Variants in NRG3 observed in about 807,000 individuals in gnomAD.
NRG3 encodes the protein pro-neuregulin-3, membrane-bound isoform.
In NRG3, 31 loss-of-function variants were observed where a neutral mutation model predicts 66.9. The observed-to-expected ratio is 0.46, with a 90% CI of 0.35 to 0.63. NRG3 has a LOEUF of 0.63. NRG3 is among the 20% of genes least tolerant of loss of function. The pLI is 0.00. For synonymous variants in NRG3, 393 were observed against 359.4 expected (o/e 1.09, Z -1.06); for missense variants, 910 against 878.9 (o/e 1.04, Z -0.45).
intron 2 of NRG3, among the ~76,000 whole-genome samples, chr10:82,475,493 A>T: frequency 6.6e-6 from 1 of 152,164 alleles, no homozygotes; most frequent in Non-Finnish European, 1.5e-5. Context: ...GCCCAGGAAC[A>T]GATGGCTTCA....
chr10:82,648,286 G>A (rs10787304), intron 2 of NRG3, among the ~76,000 whole-genome samples: 3 of 150,984 alleles, frequency 2.0e-5, no homozygotes, highest in Non-Finnish European at 4.4e-5. Context: ...GCTTGTTTTT[G>A]TCAGGTTTGT....
intron 3 of NRG3, among the ~76,000 whole-genome samples, chr10:82,770,356 G>A (rs1194401393): frequency 6.6e-6 from 1 of 152,072 alleles, no homozygotes; most frequent in African/African-American, 2.4e-5. Context: ...CACTATTCCT[G>A]GTGAAGACCC....
At chr10:82,035,959 A>G (rs755244477) in intron 1 of NRG3, among the ~76,000 whole-genome samples, 7 of 152,142 alleles carry the variant, frequency 4.6e-5, no homozygotes, top group Admixed American at 1.3e-4. Flanking sequence ...AGGTCTTACA[A>G]TATCAGTGAA....
chr10:82,542,148 C>T (rs1019540635), intron 2 of NRG3, among the ~76,000 whole-genome samples: 3 of 152,084 alleles, frequency 2.0e-5, no homozygotes, highest in Non-Finnish European at 2.9e-5. Context: ...TTTTCAACTC[C>T]CACTTATGAA....
intron 1 of NRG3, among the ~76,000 whole-genome samples, chr10:81,928,225 C>G (rs950689663): frequency 6.6e-6 from 1 of 152,142 alleles, no homozygotes; most frequent in Non-Finnish European, 1.5e-5. Context: ...GATGTACATT[C>G]TAGAGCATTT....
intron 2 of NRG3, among the ~76,000 whole-genome samples, chr10:82,664,358 A>G (rs1162020794): frequency 1.3e-5 from 2 of 152,202 alleles, no homozygotes; most frequent in African/African-American, 4.8e-5. Flanking sequence ...AAATCTAGTA[A>G]GCTGTGAAAC....
intron 1 of NRG3, among the ~76,000 whole-genome samples, chr10:81,956,369 A>G (rs1849829490): frequency 6.6e-6 from 1 of 152,196 alleles, no homozygotes; most frequent in Admixed American, 6.5e-5. Flanking sequence ...ATCACTTGCC[A>G]TAGATGTGAA....
intron 4 of NRG3, among the ~76,000 whole-genome samples, chr10:82,911,741 T>C (rs1845340038): frequency 6.6e-6 from 1 of 151,794 alleles, no homozygotes; most frequent in South Asian, 2.1e-4. Context: ...TTCAATTTCA[T>C]TGATATTGCT....
rs372927046 is a variant in NRG3, at chr10:81,993,279, A to T, written c.823+117116A>T. On this transcript the variant is annotated intron_variant, in intron 1 of 8. Transcript: ENST00000372141. ...TTTACAGTTGTTGAAACTAAAGCCT[A>T]GAGAGAGGATATTAGTTGACCATGA... 9.8e-5 allele frequency among the ~76,000 whole-genome samples: 15 copies of T among 152,306 alleles called. No individual in the cohort carries two copies. The East Asian group carries it at 2.9e-3, about 29-fold the overall frequency.
intron 1 of NRG3, among the ~76,000 whole-genome samples, chr10:82,300,975 AAAG>A (rs757601496): frequency 1.2e-4 from 18 of 152,218 alleles, no homozygotes; most frequent in South Asian, 2.1e-4. Flanking sequence ...TTAAATTTAA[AAAG>A]AAGAAGAAGA....
rs575507205 is a variant in NRG3, at chr10:82,897,611, C to T, written c.1054+32174C>T. On this transcript the variant is annotated intron_variant, in intron 4 of 8. Coordinates refer to ENST00000372141, the MANE Select transcript of NRG3 (RefSeq NM_001010848.4). ...TTGGCTCACTGCAACCTCTGCCTCC[C>T]GGGTTCAAGTGATTCTCCTGCCTCA... 7.2e-5 allele frequency among the ~76,000 whole-genome samples: 11 copies of T among 152,242 alleles called. No individual in the cohort carries two copies. The South Asian group carries it at 2.1e-3, about 29-fold the overall frequency.
chr10:81,931,795 A>G (rs781683613), intron 1 of NRG3, among the ~76,000 whole-genome samples: 86 of 152,288 alleles, frequency 5.6e-4, no homozygotes, highest in Non-Finnish European at 8.8e-4. Flanking sequence ...TCCCATTCTT[A>G]GAGAGAAGGA....
intron 1 of NRG3, among the ~76,000 whole-genome samples, chr10:82,061,842 T>TTC (rs72439199): frequency 7.5e-5 from 11 of 146,806 alleles, no homozygotes; most frequent in South Asian, 2.1e-4. Context: ...CAGTGTCCCT[T>TTC]TCTCTCTCTC....
At chr10:81,884,302 G>T (rs1243786517) in intron 1 of NRG3, among the ~76,000 whole-genome samples, 1 of 152,156 alleles carries the variant, frequency 6.6e-6, no homozygotes, top group African/African-American at 2.4e-5. Flanking sequence ...CACTGTACCT[G>T]TTCTTTGCTC....
intron 2 of NRG3, among the ~76,000 whole-genome samples, chr10:82,447,508 C>T (rs1469567215): frequency 6.6e-6 from 1 of 152,204 alleles, no homozygotes; most frequent in Non-Finnish European, 1.5e-5. Flanking sequence ...AAATTTCACT[C>T]ACACTTTAAA....
chr10:82,166,671 T>A (rs2072083834), intron 1 of NRG3: 1 of 486,372 alleles, frequency 2.1e-6, no homozygotes, highest in Non-Finnish European at 3.6e-6. Flanking sequence ...TATAGAAAAA[T>A]ATATATATTT....
chr10:82,703,704 A>G (rs779353148), intron 2 of NRG3, among the ~76,000 whole-genome samples: 1 of 152,170 alleles, frequency 6.6e-6, no homozygotes, highest in Non-Finnish European at 1.5e-5. Context: ...TCCTGGGCTA[A>G]GGCATTTGGC....
chr10:81,942,460 TA>T (rs988357223), intron 1 of NRG3, among the ~76,000 whole-genome samples: 2 of 152,162 alleles, frequency 1.3e-5, no homozygotes, highest in African/African-American at 4.8e-5. Context: ...ACCCCCTCTA[TA>T]ATTAGGTGGA....
intron 1 of NRG3, among the ~76,000 whole-genome samples, chr10:82,213,157 T>TA (rs1401185691): frequency 1.3e-5 from 2 of 152,202 alleles, no homozygotes; most frequent in Non-Finnish European, 2.9e-5. Context: ...TCAGAGCACT[T>TA]ACTATCCAAA....
Sources: gnomAD v4.1 joint callset for allele counts (sites outside exome capture counted in the v4.1 genomes callset) on GRCh38, gnomAD v4.1.1 for gene constraint, MANE v1.5 for transcripts, NCBI Gene and HGNC (gene_info 2026-07-23, HGNC 2026-07-21) for gene names.